The following HDAC9 variants were observed in gnomAD, a reference collection of about 807,000 sequenced individuals.
HDAC9 encodes the protein MEF-2 interacting transcription repressor (MITR) protein.
Under a neutral mutation model 139.4 loss-of-function variants are expected in HDAC9, and 41 were observed. That is an observed-to-expected ratio of 0.29 (90% CI 0.23 to 0.38). The LOEUF (loss-of-function observed/expected upper bound fraction) is 0.38, where lower values mean the gene tolerates loss of function less well. Among genes scored for constraint, HDAC9 ranks in the 10% least tolerant of loss-of-function variants. The pLI, the probability that HDAC9 is intolerant of heterozygous loss-of-function variation, is 1.00. For missense variants in HDAC9, 1,147 were observed against 1,297.0 expected, an observed-to-expected ratio of 0.88 and a Z score of 1.78; for synonymous variants, 517 against 476.2, an observed-to-expected ratio of 1.09 and a Z score of -1.12.
Position 18,533,930 on chromosome 7 carries a change from A to T in HDAC9, c.22+37606A>T, listed in dbSNP as rs1458121132. ...AGTTTTTAATTTCAAAGAGTTTAAA[A>T]TTTTTTTTTAAGTTTTTCATCAAAG... is the stretch of plus-strand genomic sequence containing the variant. On this transcript the variant is annotated intron_variant, in intron 2 of 25. Coordinates refer to ENST00000686413, the MANE Select transcript of HDAC9 (RefSeq NM_178425.4). Among the ~76,000 whole-genome samples, 59 of 151,756 alleles carry T rather than the reference A, an allele frequency of 3.9e-4. 2 individuals carry two copies. Among genetic ancestry groups the T allele is most frequent in the Admixed American group, 3.5e-3 (53 of 15,246 alleles).
intron 1 of HDAC9, among the ~76,000 whole-genome samples, chr7:18,375,551 C>T (rs1202435723): frequency 1.3e-5 from 2 of 151,990 alleles, no homozygotes; most frequent in South Asian, 2.1e-4. Context: ...CTAAGTTGTC[C>T]TTTCCTTTTC....
At chr7:18,140,430 C>A (rs1172541320) in intron 1 of HDAC9, among the ~76,000 whole-genome samples, 2 of 152,114 alleles carry the variant, frequency 1.3e-5, no homozygotes, top group East Asian at 3.8e-4. Context: ...ATACTGTCTT[C>A]CACCGAACTT....
chr7:18,644,956 A>G (rs1786903836), intron 9 of HDAC9, among the ~76,000 whole-genome samples, 163 bp downstream of exon 9: 1 of 152,172 alleles, frequency 6.6e-6, no homozygotes. Context: ...CATTCAGTCT[A>G]ATTTCAAGTC....
chr7:18,714,321 A>G (rs1198935038), intron 12 of HDAC9, among the ~76,000 whole-genome samples: 1 of 152,190 alleles, frequency 6.6e-6, no homozygotes, highest in Non-Finnish European at 1.5e-5. Flanking sequence ...ATTTGTTCTT[A>G]TCAACCCTGT....
At chr7:18,411,475 A>G (rs1788543169) in intron 1 of HDAC9, among the ~76,000 whole-genome samples, 2 of 151,448 alleles carry the variant, frequency 1.3e-5, no homozygotes, top group Admixed American at 1.3e-4. Flanking sequence ...ACTGGGTTCA[A>G]GCGATCCTCC....
chr7:18,666,882 C>G, intron 12 of HDAC9: 1 of 1,006,276 alleles, frequency 9.9e-7, no homozygotes, highest in Non-Finnish European at 1.2e-6. Context: ...CCAGTCTGAT[C>G]AATGAAGCAT....
chr7:18,244,924 T>C (rs1451898318), intron 2 of HDAC9, among the ~76,000 whole-genome samples: 2 of 152,146 alleles, frequency 1.3e-5, no homozygotes, highest in African/African-American at 4.8e-5. Context: ...TCCTCCTTCC[T>C]GATATATATC....
intron 2 of HDAC9, among the ~76,000 whole-genome samples, chr7:18,551,915 T>A (rs902825610): frequency 2.0e-5 from 3 of 152,226 alleles, no homozygotes; most frequent in Non-Finnish European, 4.4e-5. Flanking sequence ...TTTTATGTAT[T>A]ATTATCTTAG....
chr7:18,118,001 C>A (rs573424940), intron 1 of HDAC9, among the ~76,000 whole-genome samples: 1 of 152,290 alleles, frequency 6.6e-6, no homozygotes, highest in African/African-American at 2.4e-5. Flanking sequence ...TCATCACTTA[C>A]AGATCTCTCT....
rs562189137 is a variant in HDAC9 at position 18,109,534 on chromosome 7, C to T, written c.-97+22321C>T. Among the ~76,000 whole-genome samples the T allele has an allele frequency of 1.4e-4, 21 of 151,990 alleles. No individual in the cohort carries two copies. The South Asian group carries it at 4.4e-3, about 32-fold the overall frequency. Reference sequence around the variant, plus strand: ...AATTTGAGAAATCCTGTGTACCATACATAGATGGATTTCATAGAGAGGCAC... The same window carrying T: ...AATTTGAGAAATCCTGTGTACCATATATAGATGGATTTCATAGAGAGGCAC... On this transcript the variant is annotated intron_variant, in intron 1 of 12. Transcript: ENST00000417496.
At chr7:18,917,822 C>A (rs1803343915) in intron 22 of HDAC9, among the ~76,000 whole-genome samples, 1 of 151,812 alleles carries the variant, frequency 6.6e-6, no homozygotes, top group Admixed American at 6.6e-5. Context: ...AAATTCAGGC[C>A]CCCAAATCTA....
intron 25 of HDAC9, 66 bp from the exon 26 acceptor site, chr7:18,995,957 C>A (rs1029285823): frequency 5.9e-6 from 7 of 1,194,898 alleles, no homozygotes; most frequent in Non-Finnish European, 7.2e-6. Flanking sequence ...TTTGATTATG[C>A]ATGAAAATCT....
At chr7:18,117,253 T>G (rs1045850141) in intron 1 of HDAC9, among the ~76,000 whole-genome samples, 1 of 151,930 alleles carries the variant, frequency 6.6e-6, no homozygotes, top group Non-Finnish European at 1.5e-5. Context: ...ACTGGTATCC[T>G]TATAAAAAAG....
chr7:18,127,927 A>G (rs945786688), intron 1 of HDAC9, among the ~76,000 whole-genome samples: 10 of 152,150 alleles, frequency 6.6e-5, no homozygotes, highest in African/African-American at 2.2e-4. Context: ...TTTATAAAAT[A>G]CTTTTCAAAG....
intron 12 of HDAC9, among the ~76,000 whole-genome samples, chr7:18,722,830 G>C (rs962736358): frequency 1.3e-5 from 2 of 152,064 alleles, no homozygotes; most frequent in Non-Finnish European, 2.9e-5. Context: ...TTGAAAGAAA[G>C]TTCAAAAATG....
intron 2 of HDAC9, among the ~76,000 whole-genome samples, chr7:18,281,548 A>T (rs1442978583): frequency 6.6e-6 from 1 of 152,120 alleles, no homozygotes; most frequent in East Asian, 1.9e-4. Context: ...CTACGATTTG[A>T]CTCCAAAGCT....
intron 22 of HDAC9, among the ~76,000 whole-genome samples, chr7:18,895,124 A>G (rs899604805): frequency 6.6e-6 from 1 of 152,152 alleles, no homozygotes; most frequent in Non-Finnish European, 1.5e-5. Flanking sequence ...AGAACAACTT[A>G]TGAGCCCATG....
At chr7:18,389,932 T>G (rs564469346) in intron 1 of HDAC9, among the ~76,000 whole-genome samples, 14 of 152,106 alleles carry the variant, frequency 9.2e-5, no homozygotes, top group Non-Finnish European at 1.3e-4. Flanking sequence ...TTTATATTTA[T>G]TTTGGCATTT....
intron 1 of HDAC9, among the ~76,000 whole-genome samples, chr7:18,329,568 A>G (rs1227992968): frequency 3.3e-5 from 5 of 151,676 alleles, no homozygotes; most frequent in Non-Finnish European, 7.4e-5. Context: ...AAAAAAAAAA[A>G]ACAGTGAATG....
Sources: allele counts gnomAD v4.1 joint callset (sites outside exome capture counted in the v4.1 genomes callset), GRCh38; gene constraint gnomAD v4.1.1; transcripts MANE v1.5; gene names NCBI Gene and HGNC (gene_info 2026-07-23, HGNC 2026-07-21).